The following AGBL1 variants were observed in gnomAD, a reference collection of about 807,000 sequenced individuals.
AGBL1 encodes the protein cytosolic carboxypeptidase 4.
AGBL1 carries 130 observed loss-of-function variants against 118.9 expected under a neutral mutation model. The observed-to-expected ratio is 1.09, with a 90% CI of 0.95 to 1.26. AGBL1 has a LOEUF of 1.26. AGBL1 is among the 50% of genes most tolerant of loss of function. The probability of loss-of-function intolerance (pLI) is 0.00; values close to 1 mark genes in which losing one functional copy is unlikely to be tolerated. For missense variants in AGBL1, 1,584 were observed against 1,298.1 expected (o/e 1.22, Z -3.38); for synonymous variants, 555 against 478.9 (o/e 1.16, Z -2.08).
intron 15 of AGBL1, among the ~76,000 whole-genome samples, chr15:86,275,410 C>T (rs182344196): frequency 1.4e-4 from 21 of 152,284 alleles, no homozygotes; most frequent in African/African-American, 5.1e-4. Context: ...AACTTCACTG[C>T]TCTGCCTTAT....
chr15:86,131,308 G>A (rs551442576), intron 1 of AGBL1, among the ~76,000 whole-genome samples: 1 of 152,186 alleles, frequency 6.6e-6, no homozygotes, highest in South Asian at 2.1e-4. Flanking sequence ...AAGAGTAGTT[G>A]ACATGGATAC....
intron 17 of AGBL1, among the ~76,000 whole-genome samples, chr15:86,315,467 A>G (rs913598492): frequency 1.3e-5 from 2 of 152,186 alleles, no homozygotes; most frequent in African/African-American, 4.8e-5. Context: ...TGGTAATCCC[A>G]GCACTTTGGA....
chr15:86,256,928 A>C lies in AGBL1; in HGVS notation c.811A>C (p.Ser271Arg). ...LQILRQCYPT[S>R]PLPLVTASSA... ...GATCCTGAGGCAGTGCTACCCTACG[A>C]GTCCACTTCCCTTGGTCACAGCCAG... is the stretch of plus-strand genomic sequence containing the variant. Residue 271 changes from serine (S) to arginine (R), a missense_variant, in exon 8 of 23, where the codon AGT becomes CGT. Coordinates refer to ENST00000614907, the MANE Select transcript of AGBL1 (RefSeq NM_001386094.1). The C allele has an allele frequency of 6.2e-7, 1 of 1,613,912 alleles. No individual in the cohort carries two copies. Among genetic ancestry groups the C allele is most frequent in the African/African-American group, 1.3e-5 (1 of 75,018 alleles).
At chr15:86,753,484 G>C (rs561731773) in intron 22 of AGBL1, among the ~76,000 whole-genome samples, 150 of 133,848 alleles carry the variant, frequency 1.1e-3, no homozygotes, top group Middle Eastern at 5.5e-3. Context: ...TGCAACTTTT[G>C]CCTCCCGGAT....
At chr15:86,173,042 T>G (rs1181851178) in intron 5 of AGBL1, among the ~76,000 whole-genome samples, 2 of 152,192 alleles carry the variant, frequency 1.3e-5, no homozygotes, top group African/African-American at 2.4e-5. Flanking sequence ...ATAACAGCCA[T>G]TCTAACTAAA....
chr15:86,656,425 C>T (rs1189083656), intron 21 of AGBL1, among the ~76,000 whole-genome samples: 1 of 152,128 alleles, frequency 6.6e-6, no homozygotes, highest in Non-Finnish European at 1.5e-5. Context: ...AAAACAACTT[C>T]ATTACAAACC....
rs1460820444 is a variant in AGBL1, at chr15:86,735,653, G to GATATATATATATAT, written c.3158+61218_3158+61219insTATATATATATATA. 6.9e-3 allele frequency among the ~76,000 whole-genome samples: 983 copies of GATATATATATATAT among 143,012 alleles called. 17 individuals are homozygous for GATATATATATATAT. The highest frequency in any genetic ancestry group is 0.019 in the South Asian group (82 of 4,406). 93.8% of individuals were successfully genotyped at this position (143,012 alleles called of 152,430 possible). On this transcript the variant is annotated intron_variant, in intron 22 of 22. Transcript: ENST00000614907. The stretch of plus-strand genomic sequence containing the variant: ...GTGTGTGTATTTCCTGCTACAAAGA[G>GATATATATATATAT]AGATATATATATATATTTTATTTGT...
chr15:86,535,794 G>T (rs535442778), intron 19 of AGBL1, among the ~76,000 whole-genome samples: 2 of 152,312 alleles, frequency 1.3e-5, no homozygotes, highest in South Asian at 4.1e-4. Flanking sequence ...TGAAAAAAAG[G>T]ATGGCGTATT....
At chr15:86,352,740 C>T (rs1339636296) in intron 17 of AGBL1, among the ~76,000 whole-genome samples, 4 of 152,130 alleles carry the variant, frequency 2.6e-5, no homozygotes, top group South Asian at 2.1e-4. Flanking sequence ...AGTGCCTCAG[C>T]CTCCCAAAGT....
intron 23 of AGBL1, among the ~76,000 whole-genome samples, chr15:86,956,115 C>G (rs569262160): frequency 7.9e-5 from 12 of 151,798 alleles, no homozygotes; most frequent in African/African-American, 2.9e-4. Context: ...GGTCCATTAA[C>G]TAGGAAAATA....
intron 19 of AGBL1, among the ~76,000 whole-genome samples, chr15:86,537,770 T>G (rs937774850): frequency 6.6e-6 from 1 of 152,180 alleles, no homozygotes; most frequent in Non-Finnish European, 1.5e-5. Context: ...TCCTTTAACT[T>G]TAGAAGAAAT....
At chr15:86,579,801 A>C (rs140140941) in intron 21 of AGBL1, among the ~76,000 whole-genome samples, 1 of 152,308 alleles carries the variant, frequency 6.6e-6, no homozygotes, top group African/African-American at 2.4e-5. Flanking sequence ...AGATAGACAC[A>C]TGAAGAGATA....
At chr15:86,640,502 T>C (rs942541621) in intron 21 of AGBL1, among the ~76,000 whole-genome samples, 5 of 152,152 alleles carry the variant, frequency 3.3e-5, no homozygotes, top group African/African-American at 1.2e-4. Context: ...GTATAAAGAT[T>C]TATGTGTTGC....
intron 18 of AGBL1, among the ~76,000 whole-genome samples, chr15:86,521,437 C>T (rs1384399270): frequency 1.3e-5 from 2 of 151,970 alleles, no homozygotes; most frequent in Non-Finnish European, 2.9e-5. Flanking sequence ...TGTCCCTGCC[C>T]CCAGGAGGCT....
chr15:86,173,784 T>C (rs2077446133), intron 5 of AGBL1, among the ~76,000 whole-genome samples: 1 of 152,180 alleles, frequency 6.6e-6, no homozygotes, highest in African/African-American at 2.4e-5. Flanking sequence ...GGTTTTCTGT[T>C]CTGCTGTGCT....
At chr15:86,736,120 C>A (rs62031373) in intron 22 of AGBL1, among the ~76,000 whole-genome samples, 19,613 of 152,106 alleles carry the variant, frequency 0.13, 1,502 homozygotes, top group Non-Finnish European at 0.18. Context: ...TGGTGACTCT[C>A]GCCTATAATT....
intron 22 of AGBL1, among the ~76,000 whole-genome samples, chr15:86,774,235 T>C (rs113605291): frequency 2.0e-4 from 30 of 152,218 alleles, no homozygotes; most frequent in African/African-American, 6.7e-4. Context: ...TTCTGACAGA[T>C]CAACACAGTC....
intron 23 of AGBL1, among the ~76,000 whole-genome samples, chr15:86,977,507 T>A (rs545546556): frequency 6.6e-6 from 1 of 151,958 alleles, no homozygotes; most frequent in South Asian, 2.1e-4. Context: ...ATTATTCAAA[T>A]CTTTTTATAT....
chr15:86,433,798 G>A (rs1002042860), intron 18 of AGBL1, among the ~76,000 whole-genome samples: 4 of 152,186 alleles, frequency 2.6e-5, no homozygotes, highest in African/African-American at 4.8e-5. Context: ...CTGAGTGAGC[G>A]AGTGAATGAG....
Sources: gnomAD v4.1 joint callset for allele counts (sites outside exome capture counted in the v4.1 genomes callset) on GRCh38, gnomAD v4.1.1 for gene constraint, MANE v1.5 for transcripts, NCBI Gene and HGNC (gene_info 2026-07-23, HGNC 2026-07-21) for gene names.